Variants in STK3 observed in about 807,000 individuals in gnomAD.
The protein encoded by STK3 is serine/threonine kinase 3, also known as serine/threonine-protein kinase 3.
Under a neutral mutation model 58.0 loss-of-function variants are expected in STK3, and 41 were observed. The observed-to-expected ratio is 0.71, with a 90% CI of 0.55 to 0.92. The LOEUF is 0.92. Ranked by LOEUF, STK3 falls within the 40% of genes least tolerant of loss-of-function variation. The pLI, the probability that STK3 is intolerant of heterozygous loss-of-function variation, is 0.00. For missense variants in STK3, 479 were observed against 602.7 expected, an observed-to-expected ratio of 0.79 and a Z score of 2.15; for synonymous variants, 170 against 191.0, an observed-to-expected ratio of 0.89 and a Z score of 0.91.
intron 7 of STK3, 193 bp downstream of exon 7, chr8:98,595,839 A>G: frequency 4.1e-6 from 2 of 489,430 alleles, no homozygotes; most frequent in Non-Finnish European, 6.9e-6. Flanking sequence ...TGCTTTGGAA[A>G]TTTTGTTTTA....
chr8:98,375,410 T>C (rs1817664151), intron 2 of STK3, among the ~76,000 whole-genome samples: 2 of 152,056 alleles, frequency 1.3e-5, no homozygotes, highest in African/African-American at 4.8e-5. Flanking sequence ...ACCTAGAAAA[T>C]TCCAAATTAT....
intron 1 of STK3, among the ~76,000 whole-genome samples, chr8:98,803,276 A>G (rs1156552596): frequency 1.3e-5 from 2 of 152,206 alleles, no homozygotes; most frequent in Non-Finnish European, 2.9e-5. Flanking sequence ...TTGAATGAAT[A>G]AACTGGCCAC....
intron 1 of STK3, chr8:98,905,211 C>T (rs1238455942): frequency 2.1e-6 from 2 of 938,544 alleles, no homozygotes; most frequent in Non-Finnish European, 1.8e-6. Flanking sequence ...AGGGGCAGTC[C>T]GAAGTCGGGC....
chr8:98,922,533 T>C (rs1468217079), intron 1 of STK3, among the ~76,000 whole-genome samples: 1 of 152,238 alleles, frequency 6.6e-6, no homozygotes, highest in Non-Finnish European at 1.5e-5. Context: ...TTTATTCAGC[T>C]TGTTATTCCT....
At chr8:98,877,142 T>C (rs1361312683) in intron 3 of STK3, among the ~76,000 whole-genome samples, 1 of 152,250 alleles carries the variant, frequency 6.6e-6, no homozygotes, top group Admixed American at 6.5e-5. Context: ...CATGCATTAC[T>C]ATGTAACTAA....
chr8:98,574,199 T>C (rs1240862269), intron 8 of STK3, among the ~76,000 whole-genome samples: 2 of 152,160 alleles, frequency 1.3e-5, no homozygotes, highest in African/African-American at 2.4e-5. Flanking sequence ...TAGCAAAGCA[T>C]GTAAGATGTT....
chr8:98,816,645 T>C (rs998685146), intron 1 of STK3, among the ~76,000 whole-genome samples: 4 of 151,784 alleles, frequency 2.6e-5, no homozygotes, highest in Non-Finnish European at 5.9e-5. Context: ...GGGATTCTCC[T>C]GCCTCAGCCT....
At chr8:98,828,035 C>T (rs1171814484), upstream of STK3, among the ~76,000 whole-genome samples, 3 of 151,392 alleles carry the variant, frequency 2.0e-5, no homozygotes, top group African/African-American at 7.3e-5. Flanking sequence ...AGTGCAATGC[C>T]GTGATCTCAG....
rs541979393 is a variant in STK3, at chr8:98,831,168, G to A, written c.110+52479C>T. Among the ~76,000 whole-genome samples the A allele has an allele frequency of 4.6e-5, 7 of 152,162 alleles. No individual in the cohort carries two copies. The South Asian group carries it at 1.2e-3, about 27-fold the overall frequency. ...TGCCTTTGAATAACAAAAAGCATAC[G>A]TTCTTTGTAACTGAATACGTACACC... On this transcript the variant is annotated intron_variant, in intron 3 of 12. Transcript: ENST00000523601.
At chr8:98,684,213 C>T (rs925608922) in intron 6 of STK3, among the ~76,000 whole-genome samples, 2 of 152,124 alleles carry the variant, frequency 1.3e-5, no homozygotes, top group Non-Finnish European at 2.9e-5. Context: ...TTTCATATTG[C>T]TTCCAGTAGA....
At chr8:98,510,053 CT>C (rs1364084461) in intron 10 of STK3, among the ~76,000 whole-genome samples, 1 of 151,948 alleles carries the variant, frequency 6.6e-6, no homozygotes, top group Non-Finnish European at 1.5e-5. Flanking sequence ...AAGTTCTAAG[CT>C]TTTAAATGAT....
rs1380313465 is a variant in STK3 at position 98,825,590 on chromosome 8, G to C, written c.-50C>G. The C allele has an allele frequency of 1.3e-5, 18 of 1,406,266 alleles. No homozygotes were observed. The highest frequency in any genetic ancestry group is 6.3e-5 in the Admixed American group (2 of 31,932). 87.1% of individuals were successfully genotyped at this position (1,406,266 alleles called of 1,614,324 possible). On this transcript the variant is annotated 5_prime_UTR_variant, in exon 1 of 11. Transcript: ENST00000419617. Reference sequence around the variant, plus strand: ...CCTGGTGGACGGCGAAGGCCGAAAGGAGGAAAGGAGCCGGGGCACCGGCCG... The same window carrying C: ...CCTGGTGGACGGCGAAGGCCGAAAGCAGGAAAGGAGCCGGGGCACCGGCCG...
chr8:98,507,670 C>T (rs1483841187), intron 10 of STK3, among the ~76,000 whole-genome samples: 2 of 152,172 alleles, frequency 1.3e-5, no homozygotes, highest in Non-Finnish European at 2.9e-5. Context: ...ATCCTGCTCT[C>T]CAACTTCATC....
intron 1 of STK3, among the ~76,000 whole-genome samples, chr8:98,891,518 G>C (rs1838198445): frequency 6.6e-6 from 1 of 151,992 alleles, no homozygotes; most frequent in African/African-American, 2.4e-5. Context: ...TAGCACTCTT[G>C]ATATGTACAT....
intron 10 of STK3, among the ~76,000 whole-genome samples, chr8:98,479,485 TC>T (rs2131270510): frequency 1.0e-3 from 3 of 2,894 alleles, no homozygotes; most frequent in Admixed American, 0.012. Context: ...ACACTCCGTC[TC>T]GGGGGGGGGG....
chr8:98,648,185 A>G (rs1303283542), intron 6 of STK3, among the ~76,000 whole-genome samples: 1 of 152,080 alleles, frequency 6.6e-6, no homozygotes, highest in East Asian at 1.9e-4. Context: ...TTAAAATTCT[A>G]TTTTGTTTCT....
At chr8:98,751,965 A>T (rs1353984390) in intron 3 of STK3, among the ~76,000 whole-genome samples, 1 of 151,990 alleles carries the variant, frequency 6.6e-6, no homozygotes, top group Admixed American at 6.6e-5. Flanking sequence ...AAAAATAAAA[A>T]AATAATATAT....
chr8:98,628,521 G>T (rs548033121), intron 6 of STK3, among the ~76,000 whole-genome samples: 49 of 152,284 alleles, frequency 3.2e-4, no homozygotes, highest in African/African-American at 1.1e-3. Context: ...ACACAGGCAG[G>T]CATGGTGGCT....
At chr8:98,824,545 C>T (rs1835126301) in intron 1 of STK3, among the ~76,000 whole-genome samples, 2 of 152,188 alleles carry the variant, frequency 1.3e-5, no homozygotes, top group Admixed American at 6.5e-5. Flanking sequence ...AGAAAAGAAT[C>T]TATCAATTGA....
Sources: gnomAD v4.1 joint callset for allele counts (sites outside exome capture counted in the v4.1 genomes callset) on GRCh38, gnomAD v4.1.1 for gene constraint, MANE v1.5 for transcripts, NCBI Gene and HGNC (gene_info 2026-07-23, HGNC 2026-07-21) for gene names.